The following HMGA2 variants were observed in gnomAD, a reference collection of about 807,000 sequenced individuals.
HMGA2 encodes the protein high mobility group protein HMGI-C.
HMGA2 carries 8 observed loss-of-function variants against 19.1 expected under a neutral mutation model. The observed-to-expected ratio is 0.42, with a 90% confidence interval of 0.25 to 0.76. HMGA2 has a LOEUF of 0.76. Ranked by LOEUF, HMGA2 falls within the 30% of genes least tolerant of loss-of-function variation. The pLI, the probability that HMGA2 is intolerant of heterozygous loss-of-function variation, is 0.28. For synonymous variants in HMGA2, 60 were observed against 48.8 expected, an observed-to-expected ratio of 1.23 and a Z score of -0.96; for missense variants, 109 against 136.3, an observed-to-expected ratio of 0.80 and a Z score of 1.00.
intron 3 of HMGA2, chr12:65,867,093 A>C: frequency 2.7e-6 from 1 of 369,140 alleles, no homozygotes; most frequent in Non-Finnish European, 5.4e-6. Flanking sequence ...TACATGAGAT[A>C]ACTTAGCAGG....
At chr12:65,887,840 T>C (rs2121124679) in intron 3 of HMGA2, among the ~76,000 whole-genome samples, 1 of 151,194 alleles carries the variant, frequency 6.6e-6, no homozygotes, top group African/African-American at 2.4e-5. Flanking sequence ...TACAGTAAGA[T>C]ATCTTACTAG....
At chr12:65,963,103 A>C in intron 4 of HMGA2, 142 bp from the exon 5 acceptor site, 3 of 712,666 alleles carry the variant, frequency 4.2e-6, no homozygotes, top group Non-Finnish European at 2.4e-6. Flanking sequence ...AGCCCTGGGA[A>C]TGAGGGCTCG....
At chr12:65,873,572 C>T (rs1872815926) in intron 3 of HMGA2, among the ~76,000 whole-genome samples, 1 of 151,930 alleles carries the variant, frequency 6.6e-6, no homozygotes, top group Non-Finnish European at 1.5e-5. Context: ...CTTTAATTTC[C>T]CTTATAAATA....
rs768536716 is a variant in HMGA2, at chr12:65,914,905, C to T, written c.250-36478C>T. On this transcript the variant is annotated intron_variant, in intron 3 of 4. Transcript: ENST00000403681. ...GGCCAGGCTGGTCTCGAACTCCTGA[C>T]CTCAGGTGAGCCACCCACCTTGGCC... 24 of 916,956 alleles carry T rather than the reference C, an allele frequency of 2.6e-5. No individual in the cohort carries two copies. In the South Asian group the frequency reaches 3.2e-4, roughly 12 times the overall value. The allele number at this position is 916,956 out of a possible 1,614,324, so 56.8% of individuals were successfully genotyped here. A position where few individuals can be genotyped will look rare whatever the true frequency, so the allele number is the denominator to read the frequency against.
At position 65,965,327 on chromosome 12, in the gene HMGA2, G is replaced by A. The variant is rs966742455; in HGVS notation, c.*2035G>A. On this transcript the variant is annotated 3_prime_UTR_variant, in exon 5 of 5. Coordinates refer to ENST00000403681, the MANE Select transcript of HMGA2 (RefSeq NM_003483.6). The stretch of plus-strand genomic sequence containing the variant: ...TGTCTCAACCAGATTTATTTTAAAC[G>A]CTTCTTATGTAGAGTTTTTATGCCT... 3.0e-5 allele frequency: 6 copies of A among 203,376 alleles called. No individual in the cohort carries two copies. The highest frequency in any genetic ancestry group is 1.2e-4 in the Admixed American group (2 of 16,734). 12.6% of individuals were successfully genotyped at this position (203,376 alleles called of 1,614,324 possible). A position where few individuals can be genotyped will look rare whatever the true frequency, so the allele number is the denominator to read the frequency against.
intron 3 of HMGA2, among the ~76,000 whole-genome samples, chr12:65,936,880 C>A (rs1875913906): frequency 6.6e-6 from 1 of 152,136 alleles, no homozygotes; most frequent in Non-Finnish European, 1.5e-5. Flanking sequence ...GTCTTTCTGG[C>A]CCCAAAGCCC....
chr12:65,853,658 G>A (rs565497610), intron 3 of HMGA2, among the ~76,000 whole-genome samples: 2 of 152,206 alleles, frequency 1.3e-5, no homozygotes, highest in Admixed American at 6.5e-5. Context: ...GATTCTGAGC[G>A]GGCAGAGTGG....
Position 65,951,369 on chromosome 12 carries a change from C to A in HMGA2, c.250-14C>A, listed in dbSNP as rs1313406802. 6.0e-6 allele frequency: 9 copies of A among 1,493,878 alleles called. No homozygotes were observed. Among genetic ancestry groups the A allele is most frequent in the Admixed American group, 2.1e-5 (1 of 46,606 alleles). The allele number at this position is 1,493,878 out of a possible 1,614,324, so 92.5% of individuals were successfully genotyped here. On this transcript the variant is annotated splice_polypyrimidine_tract_variant and intron_variant, in intron 3 of 4. Coordinates refer to ENST00000403681, the MANE Select transcript of HMGA2 (RefSeq NM_003483.6). The stretch of plus-strand genomic sequence containing the variant: ...ATTTTCTTTTAAAATATATCTTTTT[C>A]TTTTCCTCCTTAGCCACAACAAGTT...
chr12:65,881,893 A>G (rs1482534170), intron 3 of HMGA2: 1 of 702,578 alleles, frequency 1.4e-6, no homozygotes, highest in Non-Finnish European at 2.6e-6. Context: ...GAGCCCCGGT[A>G]GGTCCCGGAG....
intron 3 of HMGA2, among the ~76,000 whole-genome samples, chr12:65,877,825 T>TTAATAGATTAAATTATTTGTCATC (rs1873132479): frequency 6.6e-6 from 1 of 151,304 alleles, no homozygotes; most frequent in Non-Finnish European, 1.5e-5. Flanking sequence ...AAAAAAAAAA[T>TTAATAGATTAAATTATTTGTCATC]TAATAGATTA....
At chr12:65,853,486 T>C (rs1871578180) in intron 3 of HMGA2, among the ~76,000 whole-genome samples, 1 of 152,214 alleles carries the variant, frequency 6.6e-6, no homozygotes, top group Non-Finnish European at 1.5e-5. Context: ...TGTGGTTAAA[T>C]ATCCCTGCAG....
intron 3 of HMGA2, chr12:65,842,593 G>C (rs754780134): frequency 6.5e-7 from 1 of 1,533,340 alleles, no homozygotes; most frequent in South Asian, 1.2e-5. Flanking sequence ...CTATTAAGGA[G>C]GAGTTTTACA....
chr12:65,845,548 C>T (rs1287842144), intron 3 of HMGA2, among the ~76,000 whole-genome samples: 3 of 151,590 alleles, frequency 2.0e-5, no homozygotes, highest in Admixed American at 6.6e-5. Context: ...GGATTACAGG[C>T]GTGAGTCACC....
intron 3 of HMGA2, chr12:65,934,889 A>C (rs575588552): frequency 1.3e-5 from 2 of 152,304 alleles, no homozygotes; most frequent in South Asian, 4.2e-4. Flanking sequence ...TGCAGGACTT[A>C]AGAGGGATCT....
intron 3 of HMGA2, chr12:65,867,583 T>A (rs775652823): frequency 6.7e-5 from 27 of 403,564 alleles, no homozygotes; most frequent in Non-Finnish European, 1.2e-4. Flanking sequence ...TGAGCACACA[T>A]GAATCAACTG....
intron 3 of HMGA2, chr12:65,935,232 C>T (rs1450784876): frequency 6.6e-6 from 1 of 152,160 alleles, no homozygotes; most frequent in Non-Finnish European, 1.5e-5. Flanking sequence ...GAAAAATTAG[C>T]TTAATTCTAA....
At chr12:65,854,386 C>T (rs951149962) in intron 3 of HMGA2, among the ~76,000 whole-genome samples, 1 of 152,138 alleles carries the variant, frequency 6.6e-6, no homozygotes, top group South Asian at 2.1e-4. Flanking sequence ...GACCAGTTTT[C>T]CCCTAATGCT....
rs17825684 is a variant in HMGA2, at chr12:65,936,112, T to C, written c.250-15271T>C. Among the ~76,000 whole-genome samples, 11 of 152,346 alleles carry C rather than the reference T, an allele frequency of 7.2e-5. No individual in the cohort carries two copies. The South Asian group carries it at 8.3e-4, about 11-fold the overall frequency. ...TCAGATGTAGTTTGCAAGCCACTATTATTAAGCTGTTTTCCTTTTACTATT... is the reference window on the plus strand; with the variant it reads ...TCAGATGTAGTTTGCAAGCCACTATCATTAAGCTGTTTTCCTTTTACTATT... On this transcript the variant is annotated intron_variant, in intron 3 of 4. Coordinates refer to ENST00000403681, the MANE Select transcript of HMGA2 (RefSeq NM_003483.6).
At chr12:65,881,809 A>C (rs755899355) in intron 3 of HMGA2, 1 of 703,028 alleles carries the variant, frequency 1.4e-6, no homozygotes. Context: ...CCTTGCGCGC[A>C]AGTGGTGGGA....
Sources: allele counts gnomAD v4.1 joint callset (sites outside exome capture counted in the v4.1 genomes callset), GRCh38; gene constraint gnomAD v4.1.1; transcripts MANE v1.5; gene names NCBI Gene and HGNC (gene_info 2026-07-23, HGNC 2026-07-21).